TTC27: variants seen among roughly 807,000 people sequenced by gnomAD.
TTC27 encodes the protein tetratricopeptide repeat protein 27.
Under a neutral mutation model 115.9 loss-of-function variants are expected in TTC27, and 79 were observed. The ratio of observed to expected loss-of-function variants is 0.68; its 90% CI spans 0.57 to 0.82. The LOEUF (loss-of-function observed/expected upper bound fraction) is 0.82. Ranked by LOEUF, TTC27 falls within the 40% of genes least tolerant of loss-of-function variation. The probability of loss-of-function intolerance (pLI) is 0.00; values close to 1 mark genes in which losing one functional copy is unlikely to be tolerated. For synonymous variants in TTC27, 401 were observed against 356.0 expected, an observed-to-expected ratio of 1.13 and a Z score of -1.42; for missense variants, 1,054 against 993.1, an observed-to-expected ratio of 1.06 and a Z score of -0.82.
chr2:32,683,893 T>C (rs976959884), intron 9 of TTC27, among the ~76,000 whole-genome samples: 12 of 152,134 alleles, frequency 7.9e-5, no homozygotes, highest in Admixed American at 4.6e-4. Flanking sequence ...GGGTAGCTCA[T>C]GCCTGTAATC....
At position 32,719,358 on chromosome 2, in the gene TTC27, G is replaced by A. The variant is rs116583273; in HGVS notation, c.1234-14470G>A. ...AAATGTTTAAAGGATGGAATAGCAG[G>A]GTCAGAAAGAGATGCAACAACCCAG... On this transcript the variant is annotated intron_variant, in intron 10 of 19. Transcript: ENST00000317907. Among the ~76,000 whole-genome samples the A allele has an allele frequency of 6.5e-3, 995 of 152,228 alleles. 5 individuals are homozygous for A. The highest frequency in any genetic ancestry group is 0.023 in the African/African-American group (951 of 41,524).
chr2:32,807,211 T>C (rs1671161297), intron 16 of TTC27, among the ~76,000 whole-genome samples: 1 of 152,158 alleles, frequency 6.6e-6, no homozygotes, highest in Non-Finnish European at 1.5e-5. Context: ...TTATGTCTGC[T>C]TTTTCTCTGT....
chr2:32,731,239 C>T (rs1668282117), intron 10 of TTC27, among the ~76,000 whole-genome samples: 1 of 152,084 alleles, frequency 6.6e-6, no homozygotes, highest in Non-Finnish European at 1.5e-5. Context: ...CAGGCATGCA[C>T]CACCATGCCC....
intron 13 of TTC27, among the ~76,000 whole-genome samples, chr2:32,768,369 C>G (rs575229182): frequency 1.3e-5 from 2 of 152,010 alleles, no homozygotes; most frequent in Non-Finnish European, 2.9e-5. Flanking sequence ...TTATTTAAAC[C>G]GTGTAATTTA....
At chr2:32,798,606 G>A (rs1670800433) in intron 16 of TTC27, among the ~76,000 whole-genome samples, 1 of 150,514 alleles carries the variant, frequency 6.6e-6, no homozygotes. Context: ...TCGGGAGGCT[G>A]AGGCAGGAGA....
intron 18 of TTC27, among the ~76,000 whole-genome samples, chr2:32,817,233 G>A (rs1163268687): frequency 6.6e-6 from 1 of 151,344 alleles, no homozygotes; most frequent in East Asian, 1.9e-4. Flanking sequence ...GCGACAGGGT[G>A]AGACCCTGTA....
At chr2:32,758,602 C>G in intron 13 of TTC27, 83 bp downstream of exon 13, 2 of 1,281,496 alleles carry the variant, frequency 1.6e-6, no homozygotes, top group South Asian at 2.6e-5. Flanking sequence ...TACCCATTTT[C>G]TAACCTGATA....
chr2:32,701,320 C>T (rs943248988), intron 9 of TTC27, among the ~76,000 whole-genome samples: 1 of 152,190 alleles, frequency 6.6e-6, no homozygotes, highest in Non-Finnish European at 1.5e-5. Context: ...ACTCTACTTT[C>T]TAATGTTTCT....
intron 18 of TTC27, among the ~76,000 whole-genome samples, chr2:32,816,145 CAAAAAATT>C (rs745598658): frequency 6.6e-6 from 1 of 151,720 alleles, no homozygotes; most frequent in Non-Finnish European, 1.5e-5. Context: ...CCATCTCTAC[CAAAAAATT>C]AAAAAATTAA....
intron 3 of TTC27, among the ~76,000 whole-genome samples, chr2:32,640,001 A>C (rs1418884102): frequency 6.6e-6 from 1 of 152,008 alleles, no homozygotes; most frequent in Admixed American, 6.6e-5. Context: ...TCCCATCTCA[A>C]AACAAAAACA....
chr2:32,752,837 A>C (rs1309949599), intron 12 of TTC27, among the ~76,000 whole-genome samples: 1 of 152,146 alleles, frequency 6.6e-6, no homozygotes. Flanking sequence ...CTGCTCTTTC[A>C]TAATCAGTGC....
At chr2:32,777,436 T>A (rs1354872297) in intron 13 of TTC27, among the ~76,000 whole-genome samples, 1 of 152,266 alleles carries the variant, frequency 6.6e-6, no homozygotes, top group East Asian at 1.9e-4. Context: ...CAATCATCTC[T>A]TGATTACTTG....
chr2:32,637,966 T>C (rs1559180990), intron 3 of TTC27, among the ~76,000 whole-genome samples: 1 of 152,194 alleles, frequency 6.6e-6, no homozygotes, highest in Non-Finnish European at 1.5e-5. Context: ...CTAAAAGTCA[T>C]CCTGGCCATG....
Position 32,633,957 on chromosome 2 carries a change from A to G in TTC27, c.348A>G (p.Leu116=). Reference sequence around the variant, plus strand: ...ACTGGACGGGGCCCCCTGTTGACTTACACCCTCAGGACTTTTTGTCATCTG... The same window carrying G: ...ACTGGACGGGGCCCCCTGTTGACTTGCACCCTCAGGACTTTTTGTCATCTG... ...QSNWTGPPVD[L]HPQDFLSSVL... is the part of the protein sequence containing the mutation. Residue 116 remains leucine, a synonymous_variant, in exon 3 of 20, where the codon TTA becomes TTG. Transcript: ENST00000317907. The G allele has an allele frequency of 6.2e-7, 1 of 1,613,976 alleles. No homozygotes were observed. The highest frequency in any genetic ancestry group is 8.5e-7 in the Non-Finnish European group (1 of 1,179,930).
At chr2:32,686,822 C>T (rs1320206979) in intron 9 of TTC27, among the ~76,000 whole-genome samples, 1 of 151,914 alleles carries the variant, frequency 6.6e-6, no homozygotes, top group Admixed American at 6.6e-5. Context: ...GAAGGGAATA[C>T]ATTGGGTGAT....
chr2:32,745,165 A>T (rs989404360), intron 12 of TTC27, among the ~76,000 whole-genome samples: 3 of 152,086 alleles, frequency 2.0e-5, no homozygotes, highest in Admixed American at 2.0e-4. Flanking sequence ...ATATGTTAAA[A>T]CTATTTTGGT....
chr2:32,660,569 G>A (rs775136612), intron 5 of TTC27, among the ~76,000 whole-genome samples: 3 of 152,108 alleles, frequency 2.0e-5, no homozygotes, highest in Non-Finnish European at 4.4e-5. Context: ...GACACAGGGA[G>A]GGGAACATCA....
At chr2:32,649,719 T>C (rs1665013187) in intron 4 of TTC27, among the ~76,000 whole-genome samples, 1 of 152,046 alleles carries the variant, frequency 6.6e-6, no homozygotes, top group Non-Finnish European at 1.5e-5. Flanking sequence ...CTAATTTTTA[T>C]ATTTTTAATA....
intron 9 of TTC27, among the ~76,000 whole-genome samples, chr2:32,688,504 A>T (rs947329139): frequency 6.6e-6 from 1 of 152,160 alleles, no homozygotes; most frequent in Non-Finnish European, 1.5e-5. Flanking sequence ...GACTAGGAGA[A>T]AATATTTACA....
Sources: gnomAD v4.1 joint callset for allele counts (sites outside exome capture counted in the v4.1 genomes callset) on GRCh38, gnomAD v4.1.1 for gene constraint, MANE v1.5 for transcripts, NCBI Gene and HGNC (gene_info 2026-07-23, HGNC 2026-07-21) for gene names.